The following NTS variants were observed in gnomAD, a reference collection of about 807,000 sequenced individuals.
The protein encoded by NTS is neurotensin/neuromedin N.
Under a neutral mutation model 19.5 loss-of-function variants are expected in NTS, and 20 were observed. That is an observed-to-expected ratio of 1.02 (90% CI 0.72 to 1.49). The LOEUF (loss-of-function observed/expected upper bound fraction) is 1.49. Ranked by LOEUF, NTS falls within the 40% of genes most tolerant of loss-of-function variation. NTS has a pLI of 0.00. For synonymous variants in NTS, 71 were observed against 63.3 expected (o/e 1.12, Z -0.58); for missense variants, 215 against 193.1 (o/e 1.11, Z -0.67).
At chr12:85,879,348 G>A (rs1275830291) in intron 3 of NTS, among the ~76,000 whole-genome samples, 2 of 83,754 alleles carry the variant, frequency 2.4e-5, no homozygotes, top group Non-Finnish European at 4.3e-5. Context: ...TATATTTTAT[G>A]TATATAAAAC....
chr12:85,879,223 A>G (rs5020967), intron 3 of NTS, among the ~76,000 whole-genome samples: 2,014 of 2,936 alleles, frequency 0.69, 955 homozygotes, highest in African/African-American at 0.72. Context: ...TATATTATAT[A>G]TATATTTTAT....
At chr12:85,877,401 CTTTTT>C (rs55824815) in intron 2 of NTS, among the ~76,000 whole-genome samples, 1 of 135,756 alleles carries the variant, frequency 7.4e-6, no homozygotes, top group Non-Finnish European at 1.6e-5. Flanking sequence ...TTTACATGTT[CTTTTT>C]TTTTTTTTTT....
chr12:85,877,641 T>C (rs1881376851), intron 2 of NTS, among the ~76,000 whole-genome samples: 1 of 152,066 alleles, frequency 6.6e-6, no homozygotes, highest in Non-Finnish European at 1.5e-5. Flanking sequence ...CCCTTCCTCC[T>C]CCACTCCACC....
chr12:85,876,939 CAT>C (rs1321664251), intron 2 of NTS, among the ~76,000 whole-genome samples: 1 of 152,058 alleles, frequency 6.6e-6, no homozygotes, highest in Non-Finnish European at 1.5e-5. Flanking sequence ...AATTGCCACA[CAT>C]ATTTACTTGC....
At chr12:85,876,904 C>T (rs940853561) in intron 2 of NTS, among the ~76,000 whole-genome samples, 6 of 151,876 alleles carry the variant, frequency 4.0e-5, no homozygotes, top group African/African-American at 9.7e-5. Flanking sequence ...ATAATTCTAT[C>T]AATCAGCATG....
chr12:85,879,152 AT>A (rs371020490), intron 3 of NTS, among the ~76,000 whole-genome samples: 90 of 1,448 alleles, frequency 0.062, 2 homozygotes, highest in African/African-American at 0.22. Flanking sequence ...CGTAAAATAT[AT>A]TTTTATGTAT....
Position 85,878,417 on chromosome 12 carries a change from A to G in NTS, c.208A>G (p.Ser70Gly). The G allele has an allele frequency of 8.1e-6, 13 of 1,613,628 alleles. No homozygotes were observed. The highest frequency in any genetic ancestry group is 1.1e-5 in the South Asian group (1 of 90,998). ...NVCSLVNNLN[S>G]PAEETGEVHE... ...TTGCAGTCTTGTAAATAATTTGAACAGCCCAGCTGAGGAAACAGGAGAAGT... is the reference window on the plus strand; with the variant it reads ...TTGCAGTCTTGTAAATAATTTGAACGGCCCAGCTGAGGAAACAGGAGAAGT... The change falls in exon 3 of 4, where the codon AGC (serine) becomes GGC (glycine). Residue 70 changes from serine (S) to glycine (G), a missense_variant. By Grantham distance (56) the Ser-to-Gly change is moderately conservative (BLOSUM62 0). Transcript: ENST00000256010.
chr12:85,879,749 T>C (rs58906855), intron 3 of NTS, among the ~76,000 whole-genome samples: 5,244 of 133,200 alleles, frequency 0.039, 113 homozygotes, highest in African/African-American at 0.14. Flanking sequence ...ATAAAATATA[T>C]TTTTTGTATA....
At chr12:85,878,237 C>A in intron 2 of NTS, 108 bp from the exon 3 acceptor site, 1 of 725,470 alleles carries the variant, frequency 1.4e-6, no homozygotes, top group Non-Finnish European at 2.3e-6. Context: ...ATTTATTAGA[C>A]TGGAGTAGCA....
intron 1 of NTS, among the ~76,000 whole-genome samples, chr12:85,874,986 T>C (rs2136588540): frequency 6.6e-6 from 1 of 152,334 alleles, no homozygotes; most frequent in South Asian, 2.1e-4. Flanking sequence ...AAATGAAGCA[T>C]TATTTGTAGA....
intron 1 of NTS, among the ~76,000 whole-genome samples, chr12:85,875,113 G>A (rs528783786): frequency 7.2e-4 from 109 of 152,160 alleles, no homozygotes; most frequent in Admixed American, 2.0e-3. Context: ...TGCCATTTAA[G>A]TTAATACAAA....
intron 3 of NTS, among the ~76,000 whole-genome samples, chr12:85,880,145 A>G (rs1486945404): frequency 1.3e-5 from 2 of 151,634 alleles, no homozygotes; most frequent in East Asian, 1.9e-4. Flanking sequence ...GTTTATTTGG[A>G]AACCTTTCGG....
intron 2 of NTS, among the ~76,000 whole-genome samples, chr12:85,877,718 A>G (rs1316118912): frequency 6.6e-6 from 1 of 152,130 alleles, no homozygotes; most frequent in Non-Finnish European, 1.5e-5. Flanking sequence ...TTTAGTACTC[A>G]ATCAGAATAC....
Position 85,876,659 on chromosome 12 carries a change from A to C in NTS, c.93A>C (p.Lys31Asn), listed in dbSNP as rs1881352346. Residue 31 changes from lysine (K) to asparagine (N), a missense_variant, in exon 2 of 4, where the codon AAA (lysine) becomes AAC (asparagine). Lys to Asn is a moderately conservative substitution (Grantham distance 94, BLOSUM62 0). Coordinates refer to ENST00000256010, the MANE Select transcript of NTS (RefSeq NM_006183.5). ...SLCSDSEEEM[K>N]ALEADFLTNM... ...ACTCAGATTCAGAAGAGGAAATGAA[A>C]GCATTAGAAGCAGATTTCTTGACCA... 2 of 1,592,290 alleles carry C rather than the reference A, an allele frequency of 1.3e-6. No homozygotes were observed. Among genetic ancestry groups the C allele is most frequent in the Admixed American group, 3.4e-5 (2 of 58,418 alleles).
rs189522348 is a variant in NTS, at chr12:85,874,898, C to T, written c.73+422C>T. 1.9e-3 allele frequency among the ~76,000 whole-genome samples: 295 copies of T among 152,238 alleles called. 2 individuals carry two copies. Among genetic ancestry groups the T allele is most frequent in the Non-Finnish European group, 1.2e-3 (85 of 68,024 alleles). On this transcript the variant is annotated intron_variant, in intron 1 of 3. Transcript: ENST00000256010. The stretch of plus-strand genomic sequence containing the variant: ...TTCTCTTAGGAAGCGGTGGCCCTCA[C>T]GCCCTTGTAATAGTCCCCGTATTAT...
chr12:85,881,095 CTT>C (rs1435935871), intron 3 of NTS, among the ~76,000 whole-genome samples: 1 of 152,108 alleles, frequency 6.6e-6, no homozygotes, highest in Admixed American at 6.6e-5. Flanking sequence ...AAGATTAAAA[CTT>C]TTCCCTATTT....
intron 3 of NTS, among the ~76,000 whole-genome samples, chr12:85,881,332 T>C (rs1176741050): frequency 6.6e-6 from 1 of 152,170 alleles, no homozygotes; most frequent in Non-Finnish European, 1.5e-5. Flanking sequence ...TCAGTATTTG[T>C]TATAGTGACC....
chr12:85,878,696 A>G, intron 3 of NTS, 127 bp downstream of exon 3: 1 of 540,996 alleles, frequency 1.8e-6, no homozygotes, highest in Non-Finnish European at 3.0e-6. Flanking sequence ...AGAACAAGCC[A>G]TGTTTTGAAG....
chr12:85,881,060 T>C (rs1881491264), intron 3 of NTS, among the ~76,000 whole-genome samples: 1 of 152,194 alleles, frequency 6.6e-6, no homozygotes, highest in South Asian at 2.1e-4. Context: ...CAGTAAACTA[T>C]TATGTAGACC....
Sources: gnomAD v4.1 joint callset for allele counts (sites outside exome capture counted in the v4.1 genomes callset) on GRCh38, gnomAD v4.1.1 for gene constraint, MANE v1.5 for transcripts, NCBI Gene and HGNC (gene_info 2026-07-23, HGNC 2026-07-21) for gene names.